The following NBEA variants were observed in gnomAD, a reference collection of about 807,000 sequenced individuals.
NBEA encodes the protein lysosomal-trafficking regulator 2.
In NBEA, 44 loss-of-function variants were observed where a neutral mutation model predicts 343.4. The observed-to-expected ratio is 0.13, with a 90% CI of 0.10 to 0.16. The LOEUF (loss-of-function observed/expected upper bound fraction) is 0.16. NBEA is among the 10% of genes least tolerant of loss of function. The pLI, the probability that NBEA is intolerant of heterozygous loss-of-function variation, is 1.00. For synonymous variants in NBEA, 1,175 were observed against 1,238.7 expected (o/e 0.95, Z 1.08); for missense variants, 2,555 against 3,631.3 (o/e 0.70, Z 7.62).
intron 36 of NBEA, among the ~76,000 whole-genome samples, chr13:35,310,578 G>A (rs1006387417): frequency 2.0e-5 from 3 of 152,106 alleles, no homozygotes; most frequent in African/African-American, 7.2e-5. Flanking sequence ...GTGGTAAATA[G>A]TTGTTAATTA....
intron 10 of NBEA, among the ~76,000 whole-genome samples, chr13:35,074,044 A>T (rs534271269): frequency 1.1e-4 from 16 of 152,292 alleles, no homozygotes; most frequent in Admixed American, 5.2e-4. Context: ...TAAATTATGA[A>T]GGCCACTTAT....
At chr13:35,551,710 G>A (rs962317086) in intron 43 of NBEA, among the ~76,000 whole-genome samples, 1 of 85,300 alleles carries the variant, frequency 1.2e-5, no homozygotes, top group Non-Finnish European at 3.6e-5. Flanking sequence ...GGTGCTGCCA[G>A]TATTGGTTCA....
At chr13:35,165,121 C>A (rs150112308) in intron 24 of NBEA, 1 of 533,952 alleles carries the variant, frequency 1.9e-6, no homozygotes, top group East Asian at 5.5e-5. Flanking sequence ...AGAAACTCAT[C>A]CTTAAGCTCA....
Position 35,484,272 on chromosome 13 carries a change from G to GTATA in NBEA, c.6585+11737_6585+11738insATAT, listed in dbSNP as rs1384334234. On this transcript the variant is annotated intron_variant, in intron 41 of 58. Transcript: ENST00000379939. ...TGTGTGTGTGTGTGTGTGTGTGTGT[G>GTATA]TGTATATATATATATATATATGTAG... Among the ~76,000 whole-genome samples the GTATA allele has an allele frequency of 1.1e-3, 121 of 114,916 alleles. 1 individual carries two copies. Among genetic ancestry groups the GTATA allele is most frequent in the Non-Finnish European group, 1.7e-3 (97 of 56,002 alleles). The allele number at this position is 114,916 out of a possible 152,430, so 75.4% of individuals were successfully genotyped here.
chr13:35,435,581 T>C (rs916759920), intron 39 of NBEA, among the ~76,000 whole-genome samples: 2 of 152,048 alleles, frequency 1.3e-5, no homozygotes, highest in African/African-American at 4.8e-5. Context: ...TTGTTAATAT[T>C]GGGAAAACCT....
At chr13:35,290,480 A>G (rs1436023625) in intron 35 of NBEA, 30 bp downstream of exon 35, 1 of 1,525,188 alleles carries the variant, frequency 6.6e-7, no homozygotes, top group Non-Finnish European at 9.1e-7. Context: ...CAGTTACATT[A>G]ATATATGAGG....
intron 35 of NBEA, among the ~76,000 whole-genome samples, chr13:35,304,569 T>C (rs1028564496): frequency 2.6e-5 from 4 of 152,158 alleles, no homozygotes; most frequent in African/African-American, 9.7e-5. Context: ...ATAATTGCAG[T>C]GATACATTTT....
intron 34 of NBEA, among the ~76,000 whole-genome samples, chr13:35,264,455 T>G (rs139712865): frequency 6.6e-6 from 1 of 151,886 alleles, no homozygotes. Flanking sequence ...AAAAGAAAAC[T>G]GTAATACGAT....
chr13:35,220,853 A>T (rs2074322727), intron 33 of NBEA, among the ~76,000 whole-genome samples: 1 of 152,112 alleles, frequency 6.6e-6, no homozygotes, highest in Non-Finnish European at 1.5e-5. Context: ...CTTACATAAA[A>T]ATTAGACTTT....
chr13:35,393,477 T>C (rs2152901345), intron 38 of NBEA, among the ~76,000 whole-genome samples: 1 of 152,280 alleles, frequency 6.6e-6, no homozygotes, highest in African/African-American at 2.4e-5. Context: ...TTAAAGTGTT[T>C]TATTTGGTGA....
chr13:35,422,307 C>G (rs1389737911), intron 38 of NBEA, among the ~76,000 whole-genome samples: 1 of 124,228 alleles, frequency 8.0e-6, no homozygotes, highest in African/African-American at 3.0e-5. Flanking sequence ...CCTCCCCCCA[C>G]CCCACAACAG....
chr13:35,141,560 C>T (rs558099444), intron 17 of NBEA, among the ~76,000 whole-genome samples: 30 of 152,200 alleles, frequency 2.0e-4, no homozygotes, highest in East Asian at 1.7e-3. Flanking sequence ...CCACTGTTCC[C>T]GGCCCAGATC....
At chr13:35,361,361 C>T (rs1055954078) in intron 38 of NBEA, among the ~76,000 whole-genome samples, 1 of 152,028 alleles carries the variant, frequency 6.6e-6, no homozygotes, top group Non-Finnish European at 1.5e-5. Flanking sequence ...AAACATAGAA[C>T]TTGGGACTTT....
intron 30 of NBEA, among the ~76,000 whole-genome samples, chr13:35,195,374 GT>G (rs2072509600): frequency 6.6e-6 from 1 of 151,836 alleles, no homozygotes; most frequent in East Asian, 1.9e-4. Context: ...AAAATAGTAG[GT>G]GTATTGGATG....
In NBEA at chr13:35,196,232, C is replaced by T; in HGVS notation, c.5296C>T (p.Pro1766Ser). Residue 1766 changes from proline (P) to serine (S), a missense_variant, in exon 31 of 59, where the codon CCA (proline) becomes TCA (serine). Pro to Ser is a moderately conservative substitution (Grantham distance 74). Around this residue, in one of 21 missense-constraint regions of NBEA, gnomAD observed 270 missense variants for 293.3 expected, o/e 0.92. Transcript: ENST00000379939. ...AGCAGAATGTGGCCCTGAACCTATC[C>T]CATACCCAGATCCAGCATTGAAGAG... ...EIAECGPEPIPYPDPALKRET... is the reference protein window; with the variant it reads ...EIAECGPEPISYPDPALKRET... 1 of 1,613,558 alleles carries T rather than the reference C, an allele frequency of 6.2e-7. No homozygotes were observed.
chr13:35,186,366 A>G (rs925264185), intron 30 of NBEA: 2 of 152,140 alleles, frequency 1.3e-5, no homozygotes, highest in African/African-American at 4.8e-5. Context: ...TCATCTTTCA[A>G]GTTATCACCT....
intron 34 of NBEA, among the ~76,000 whole-genome samples, chr13:35,265,696 A>G (rs1345343512): frequency 1.3e-5 from 2 of 151,868 alleles, no homozygotes; most frequent in Admixed American, 1.3e-4. Flanking sequence ...TACATCACAC[A>G]CAAAAATCAA....
rs771560951 is a variant in NBEA, at chr13:35,232,744, A to G, written c.5776+125A>G. 68 of 697,706 alleles carry G rather than the reference A, an allele frequency of 9.7e-5. 1 individual carries two copies. The Middle Eastern group carries it at 2.9e-3, about 30-fold the overall frequency. The allele number at this position is 697,706 out of a possible 1,614,324, so 43.2% of individuals were successfully genotyped here. A position where few individuals can be genotyped will look rare whatever the true frequency, so the allele number is the denominator to read the frequency against. Reference sequence around the variant, plus strand: ...GTAAAGGCATTACTTCACAAATTCTAATAAGATATTCAATATGTTTTCTCT... The same window carrying G: ...GTAAAGGCATTACTTCACAAATTCTGATAAGATATTCAATATGTTTTCTCT... On this transcript the variant is annotated intron_variant, in intron 34 of 58. Coordinates refer to ENST00000379939, the MANE Select transcript of NBEA (RefSeq NM_001385012.1).
At chr13:35,267,367 A>G (rs2033767225) in intron 34 of NBEA, among the ~76,000 whole-genome samples, 1 of 152,020 alleles carries the variant, frequency 6.6e-6, no homozygotes, top group African/African-American at 2.4e-5. Flanking sequence ...GATATTTACA[A>G]AATATACAAT....
Sources: allele counts gnomAD v4.1 joint callset (sites outside exome capture counted in the v4.1 genomes callset), GRCh38; gene constraint gnomAD v4.1.1; regional missense constraint gnomAD v4.1.1; transcripts MANE v1.5; gene names NCBI Gene and HGNC (gene_info 2026-07-23, HGNC 2026-07-21).